FCHSD2: variants seen among roughly 807,000 people sequenced by gnomAD.
The protein encoded by FCHSD2 is FCH and double SH3 domains 2, also known as F-BAR and double SH3 domains protein 2.
Under a neutral mutation model 108.1 loss-of-function variants are expected in FCHSD2, and 38 were observed. The ratio of observed to expected loss-of-function variants is 0.35; its 90% confidence interval spans 0.27 to 0.46. The LOEUF (loss-of-function observed/expected upper bound fraction) is 0.46. Ranked by LOEUF, FCHSD2 falls within the 20% of genes least tolerant of loss-of-function variation. The pLI, the probability that FCHSD2 is intolerant of heterozygous loss-of-function variation, is 1.00. For missense variants in FCHSD2, 751 were observed against 897.8 expected (o/e 0.84, Z 2.09); for synonymous variants, 279 against 314.7 (o/e 0.89, Z 1.20).
At chr11:73,087,268 A>G (rs920458243) in intron 2 of FCHSD2, among the ~76,000 whole-genome samples, 17 of 152,252 alleles carry the variant, frequency 1.1e-4, no homozygotes, top group Admixed American at 3.3e-4. Flanking sequence ...AAAGATATAA[A>G]GAAAATATTT....
chr11:73,118,762 G>A (rs1295159449), intron 2 of FCHSD2, among the ~76,000 whole-genome samples: 1 of 152,134 alleles, frequency 6.6e-6, no homozygotes, highest in African/African-American at 2.4e-5. Flanking sequence ...GTAATGCATT[G>A]TTCTGAATGC....
chr11:73,018,584 G>A (rs1035330805), intron 3 of FCHSD2, among the ~76,000 whole-genome samples: 62 of 148,972 alleles, frequency 4.2e-4, no homozygotes, highest in African/African-American at 1.4e-3. Context: ...AGTTGATACC[G>A]ATAAGATCCA....
chr11:72,846,433 GC>G (rs1565285193), intron 14 of FCHSD2, among the ~76,000 whole-genome samples: 1 of 152,094 alleles, frequency 6.6e-6, no homozygotes, highest in Non-Finnish European at 1.5e-5. Flanking sequence ...GCCCGCCTTG[GC>G]CCCGCAACGT....
intron 5 of FCHSD2, among the ~76,000 whole-genome samples, chr11:72,993,330 C>T (rs1171226278): frequency 3.3e-5 from 5 of 152,266 alleles, no homozygotes; most frequent in Non-Finnish European, 1.5e-5. Flanking sequence ...ACTAGTTCAA[C>T]CATTGTGGAA....
chr11:73,000,853 C>T, intron 5 of FCHSD2, 137 bp downstream of exon 5: 1 of 694,066 alleles, frequency 1.4e-6, no homozygotes, highest in Non-Finnish European at 2.3e-6. Context: ...ATGTTGAAAT[C>T]AGAAAATCCT....
chr11:72,871,052 A>G (rs1368571428), intron 12 of FCHSD2, among the ~76,000 whole-genome samples: 1 of 152,178 alleles, frequency 6.6e-6, no homozygotes, highest in Admixed American at 6.5e-5. Context: ...AAAAGTTCCT[A>G]TTCTCCAAAT....
intron 8 of FCHSD2, among the ~76,000 whole-genome samples, chr11:72,982,550 C>T (rs1464714458): frequency 6.6e-6 from 1 of 152,200 alleles, no homozygotes; most frequent in Non-Finnish European, 1.5e-5. Context: ...CTGTCAGCAA[C>T]AAGGGAGAAA....
At chr11:73,052,911 G>A (rs1307383166) in intron 3 of FCHSD2, among the ~76,000 whole-genome samples, 1 of 151,898 alleles carries the variant, frequency 6.6e-6, no homozygotes, top group Non-Finnish European at 1.5e-5. Context: ...CAGTGGTGTG[G>A]TGTCAGCTCA....
intron 8 of FCHSD2, among the ~76,000 whole-genome samples, chr11:72,959,989 A>G (rs1325734912): frequency 1.3e-5 from 2 of 152,158 alleles, no homozygotes; most frequent in Non-Finnish European, 2.9e-5. Context: ...AAACCTACAC[A>G]CTTCAAACAC....
At chr11:72,852,014 C>T (rs1452694206) in intron 13 of FCHSD2, among the ~76,000 whole-genome samples, 1 of 151,258 alleles carries the variant, frequency 6.6e-6, no homozygotes, top group Non-Finnish European at 1.5e-5. Flanking sequence ...ATAGATGGGA[C>T]TATAGGTGTG....
At chr11:73,003,569 C>T (rs1460558811) in intron 4 of FCHSD2, among the ~76,000 whole-genome samples, 1 of 149,676 alleles carries the variant, frequency 6.7e-6, no homozygotes, top group Non-Finnish European at 1.5e-5. Context: ...TCACTGCAAG[C>T]TCCACCTCCC....
chr11:72,888,769 C>T (rs79892128), intron 11 of FCHSD2, among the ~76,000 whole-genome samples: 2,475 of 151,836 alleles, frequency 0.016, 70 homozygotes, highest in African/African-American at 0.057. Context: ...GATAGGTGTG[C>T]GCCCCCATGC....
chr11:72,881,057 T>C (rs933117007), intron 12 of FCHSD2, among the ~76,000 whole-genome samples: 2 of 152,064 alleles, frequency 1.3e-5, no homozygotes, highest in South Asian at 2.1e-4. Context: ...AAAAACTCTA[T>C]GCAGCAAAGG....
At chr11:72,938,851 A>T (rs1271452505) in intron 8 of FCHSD2, among the ~76,000 whole-genome samples, 1 of 152,178 alleles carries the variant, frequency 6.6e-6, no homozygotes, top group African/African-American at 2.4e-5. Flanking sequence ...TGTTTTCTTA[A>T]TAATTTAATT....
chr11:72,983,430 T>C (rs1857254072), intron 8 of FCHSD2, among the ~76,000 whole-genome samples: 1 of 152,134 alleles, frequency 6.6e-6, no homozygotes, highest in South Asian at 2.1e-4. Context: ...TGATCATCAC[T>C]GCACTCTAGC....
At chr11:73,124,382 A>C (rs565957471) in intron 2 of FCHSD2, among the ~76,000 whole-genome samples, 5 of 152,186 alleles carry the variant, frequency 3.3e-5, no homozygotes, top group Non-Finnish European at 7.4e-5. Flanking sequence ...CACATTGTGC[A>C]CATGTACCCT....
chr11:72,943,022 G>T (rs942931148), intron 8 of FCHSD2, among the ~76,000 whole-genome samples: 5 of 151,944 alleles, frequency 3.3e-5, no homozygotes, highest in Non-Finnish European at 1.5e-5. Flanking sequence ...ACAGAGTTTT[G>T]CTCTTGTTGC....
At chr11:73,065,852 G>C (rs184011946) in intron 3 of FCHSD2, among the ~76,000 whole-genome samples, 3 of 152,250 alleles carry the variant, frequency 2.0e-5, no homozygotes, top group Admixed American at 6.5e-5. Context: ...GGAAATAAGA[G>C]AGGACACAAA....
At chr11:73,087,075 G>A (rs1031246621) in intron 2 of FCHSD2, among the ~76,000 whole-genome samples, 1 of 152,176 alleles carries the variant, frequency 6.6e-6, no homozygotes, top group African/African-American at 2.4e-5. Flanking sequence ...GGAGATGACA[G>A]CTCCATGCAT....
Sources: gnomAD v4.1 joint callset for allele counts (sites outside exome capture counted in the v4.1 genomes callset) on GRCh38, gnomAD v4.1.1 for gene constraint, MANE v1.5 for transcripts, NCBI Gene and HGNC (gene_info 2026-07-23, HGNC 2026-07-21) for gene names.